TRMT10A: variants seen among roughly 807,000 people sequenced by gnomAD.
TRMT10A encodes the protein tRNA methyltransferase 10A.
Under a neutral mutation model 40.4 loss-of-function variants are expected in TRMT10A, and 37 were observed. That is an observed-to-expected ratio of 0.92 (90% CI 0.71 to 1.21). The LOEUF is 1.21. Among genes scored for constraint, TRMT10A ranks in the 50% most tolerant of loss-of-function variants. The pLI, the probability that TRMT10A is intolerant of heterozygous loss-of-function variation, is 0.00. For missense variants in TRMT10A, 388 were observed against 404.3 expected (o/e 0.96, Z 0.35); for synonymous variants, 103 against 134.1 (o/e 0.77, Z 1.60).
intron 5 of TRMT10A, 126 bp downstream of exon 5, chr4:99,556,020 G>T: frequency 1.3e-6 from 1 of 764,974 alleles, no homozygotes; most frequent in Non-Finnish European, 2.0e-6. Flanking sequence ...CTTAGACTTA[G>T]GTTCAGAGAT....
At chr4:99,558,481 A>T (rs1327168668) in intron 2 of TRMT10A, among the ~76,000 whole-genome samples, 1 of 152,098 alleles carries the variant, frequency 6.6e-6, no homozygotes, top group Non-Finnish European at 1.5e-5. Context: ...TGTTATTGGT[A>T]TCATACTATC....
At chr4:99,560,619 A>G (rs965791990) in intron 1 of TRMT10A, among the ~76,000 whole-genome samples, 1 of 152,328 alleles carries the variant, frequency 6.6e-6, no homozygotes, top group East Asian at 1.9e-4. Flanking sequence ...TAAGCATTCA[A>G]TTTAAGAAAC....
In TRMT10A at chr4:99,559,258, C is replaced by A; in HGVS notation, c.81G>T (p.Glu27Asp). The A allele has an allele frequency of 6.2e-7, 1 of 1,613,684 alleles. No homozygotes were observed. The highest frequency in any genetic ancestry group is 8.5e-7 in the Non-Finnish European group (1 of 1,179,694). ...CTTCACCTAATCTTGGCTTCTGGCT[C>A]TCCTCTTGATCTTCATTTATGCCTT... ...KKQGINEDQE[E>D]SQKPRLGEGC... The change falls in exon 2 of 8, where the codon GAG becomes GAT. Residue 27 changes from glutamate to aspartate, a missense_variant. Transcript: ENST00000394876.
In TRMT10A at chr4:99,555,336, A is replaced by T. The variant is rs1300360075; in HGVS notation, c.495+810T>A. Among the ~76,000 whole-genome samples, 4 of 152,264 alleles carry T rather than the reference A, an allele frequency of 2.6e-5. No individual in the cohort carries two copies. In the East Asian group the frequency reaches 7.7e-4, roughly 29 times the overall value. ...GAAAGGGAAAGTGTGTCACTGAGAGAACTGACTTTGAGAAAGAAAAAAGGT... is the reference window on the plus strand; with the variant it reads ...GAAAGGGAAAGTGTGTCACTGAGAGTACTGACTTTGAGAAAGAAAAAAGGT... On this transcript the variant is annotated intron_variant, in intron 5 of 7. Coordinates refer to ENST00000394876, the MANE Select transcript of TRMT10A (RefSeq NM_001134665.3).
At chr4:99,562,284 G>C (rs2110196732) in intron 1 of TRMT10A, among the ~76,000 whole-genome samples, 1 of 150,006 alleles carries the variant, frequency 6.7e-6, no homozygotes, top group South Asian at 2.1e-4. Flanking sequence ...GCAGACATAG[G>C]TTATTAAGTG....
intron 1 of TRMT10A, among the ~76,000 whole-genome samples, chr4:99,562,418 G>T (rs989480259): frequency 1.3e-5 from 2 of 149,498 alleles, no homozygotes; most frequent in Non-Finnish European, 3.0e-5. Context: ...AATAATCGTC[G>T]TTAATTTATG....
At chr4:99,556,048 G>T in intron 5 of TRMT10A, 98 bp downstream of exon 5, 1 of 1,060,224 alleles carries the variant, frequency 9.4e-7, no homozygotes. Flanking sequence ...GGAGATTGTT[G>T]TATTAAGTAG....
intron 7 of TRMT10A, 36 bp downstream of exon 7, chr4:99,550,849 C>T (rs375746140): frequency 3.3e-5 from 47 of 1,422,532 alleles, no homozygotes; most frequent in African/African-American, 9.9e-5. Flanking sequence ...ACAATGTTCG[C>T]TCAGGTATAT....
chr4:99,549,617 A>G (rs181585015), intron 7 of TRMT10A, among the ~76,000 whole-genome samples: 11 of 152,286 alleles, frequency 7.2e-5, no homozygotes, highest in Admixed American at 4.6e-4. Context: ...TATAATCAAT[A>G]AAGACCTTTT....
Position 99,549,198 on chromosome 4 carries a change from T to G in TRMT10A, c.910A>C (p.Ser304Arg). Reference sequence around the variant, plus strand: ...CTATATTCCTCCTCACTGGAATCACTGTCCGATCCACCTTCCTCCATCCTG... The same window carrying G: ...CTATATTCCTCCTCACTGGAATCACGGTCCGATCCACCTTCCTCCATCCTG... ...SVRMEEGGSD[S>R]DSSEEEYSRN... Residue 304 changes from serine (S) to arginine (R), a missense_variant, in exon 8 of 8, where the codon AGT (serine) becomes CGT (arginine). By Grantham distance (110) the Ser-to-Arg change is moderately radical (BLOSUM62 -1). Transcript: ENST00000394876. 1 of 1,614,132 alleles carries G rather than the reference T, an allele frequency of 6.2e-7. No individual in the cohort carries two copies. Among genetic ancestry groups the G allele is most frequent in the Non-Finnish European group, 8.5e-7 (1 of 1,179,994 alleles).
chr4:99,557,227 T>TAAATTTCAC (rs1381678098), intron 4 of TRMT10A, 118 bp downstream of exon 4: 2 of 966,866 alleles, frequency 2.1e-6, no homozygotes, highest in Non-Finnish European at 2.9e-6. Flanking sequence ...TTTTTTCACA[T>TAAATTTCAC]AGGCATTAAA....
chr4:99,548,910 A>C lies in TRMT10A; in HGVS notation c.*178T>G, dbSNP rs910898143. On this transcript the variant is annotated 3_prime_UTR_variant, in exon 8 of 8. Transcript: ENST00000394876. Reference sequence around the variant, plus strand: ...AAATCTTCTTACGCAAAATCAAAAAATATTTCCTTACAAAGTTTAAAGGGC... The same window carrying C: ...AAATCTTCTTACGCAAAATCAAAAACTATTTCCTTACAAAGTTTAAAGGGC... The C allele has an allele frequency of 2.8e-5, 17 of 599,850 alleles. No individual in the cohort carries two copies. Among genetic ancestry groups the C allele is most frequent in the Non-Finnish European group, 4.1e-5 (16 of 387,258 alleles). 37.2% of individuals were successfully genotyped at this position (599,850 alleles called of 1,614,324 possible). A position where few individuals can be genotyped will look rare whatever the true frequency, so the allele number is the denominator to read the frequency against.
intron 1 of TRMT10A, chr4:99,563,701 C>T: frequency 5.4e-6 from 2 of 368,988 alleles, no homozygotes; most frequent in Non-Finnish European, 1.1e-5. Context: ...CTGTCTCTGG[C>T]GAACCAGGGA....
intron 1 of TRMT10A, 79 bp from the exon 2 acceptor site, chr4:99,559,440 T>C (rs369933217): frequency 4.0e-4 from 357 of 893,752 alleles, no homozygotes; most frequent in Non-Finnish European, 5.3e-4. Flanking sequence ...AGTTAAACCA[T>C]AAAATAATAT....
chr4:99,562,973 C>G (rs987041030), intron 1 of TRMT10A, among the ~76,000 whole-genome samples: 1 of 152,084 alleles, frequency 6.6e-6, no homozygotes, highest in South Asian at 2.1e-4. Flanking sequence ...TGGCATGCGC[C>G]ACCACGCCCG....
At chr4:99,551,171 G>C (rs1292777733) in intron 6 of TRMT10A, among the ~76,000 whole-genome samples, 181 bp from the exon 7 acceptor site, 1 of 152,148 alleles carries the variant, frequency 6.6e-6, no homozygotes, top group Non-Finnish European at 1.5e-5. Flanking sequence ...TTGACAATAA[G>C]TATAGTCAAT....
chr4:99,561,543 T>C (rs1488720120), intron 1 of TRMT10A, among the ~76,000 whole-genome samples: 1 of 152,102 alleles, frequency 6.6e-6, no homozygotes, highest in African/African-American at 2.4e-5. Context: ...CTGAGACAAA[T>C]GGAATGCAAC....
intron 7 of TRMT10A, among the ~76,000 whole-genome samples, chr4:99,550,597 G>A (rs1443436021): frequency 6.6e-6 from 1 of 152,050 alleles, no homozygotes; most frequent in Non-Finnish European, 1.5e-5. Flanking sequence ...ATCCAATTAT[G>A]TAATAAATAA....
chr4:99,562,199 A>ATGTGTGTGTG (rs565108332), intron 1 of TRMT10A, among the ~76,000 whole-genome samples: 1 of 117,688 alleles, frequency 8.5e-6, no homozygotes, highest in Non-Finnish European at 1.7e-5. Flanking sequence ...ATATATATAT[A>ATGTGTGTGTG]TATGTGTGTG....
Sources: allele counts gnomAD v4.1 joint callset (sites outside exome capture counted in the v4.1 genomes callset), GRCh38; gene constraint gnomAD v4.1.1; transcripts MANE v1.5; gene names NCBI Gene and HGNC (gene_info 2026-07-23, HGNC 2026-07-21).